The following GPC6 variants were observed in gnomAD, a reference collection of about 807,000 sequenced individuals.
The protein encoded by GPC6 is glypican 6.
A neutral mutation model predicts 55.2 loss-of-function variants in GPC6; 14 were observed. The ratio of observed to expected loss-of-function variants is 0.25; its 90% CI spans 0.17 to 0.40. The LOEUF (loss-of-function observed/expected upper bound fraction) is 0.40, where lower values mean the gene tolerates loss of function less well. Ranked by LOEUF, GPC6 falls within the 10% of genes least tolerant of loss-of-function variation. The pLI is 1.00. For missense variants in GPC6, 641 were observed against 708.5 expected, an observed-to-expected ratio of 0.90 and a Z score of 1.08; for synonymous variants, 278 against 259.6, an observed-to-expected ratio of 1.07 and a Z score of -0.68.
At chr13:94,305,547 A>T (rs367955697) in intron 5 of GPC6, among the ~76,000 whole-genome samples, 21 of 152,228 alleles carry the variant, frequency 1.4e-4, no homozygotes, top group African/African-American at 4.6e-4. Flanking sequence ...TACATAGACC[A>T]CAAAGAGAAC....
At chr13:93,902,692 T>C (rs1477553297) in intron 3 of GPC6, among the ~76,000 whole-genome samples, 3 of 152,194 alleles carry the variant, frequency 2.0e-5, no homozygotes, top group East Asian at 1.9e-4. Flanking sequence ...TTTCTCCACA[T>C]CTCCACCAGC....
chr13:93,224,390 C>G (rs919932292), upstream of GPC6, among the ~76,000 whole-genome samples: 1 of 151,306 alleles, frequency 6.6e-6, no homozygotes, highest in Non-Finnish European at 1.5e-5. Flanking sequence ...GACGGGGTTT[C>G]TCCATGTTGG....
chr13:94,091,570 T>C (rs9524328), intron 4 of GPC6, among the ~76,000 whole-genome samples: 26,149 of 152,140 alleles, frequency 0.17, 2,826 homozygotes, highest in South Asian at 0.26. Flanking sequence ...CAACAAACTT[T>C]GTATTAGAAA....
chr13:93,976,435 A>C (rs928593344), intron 3 of GPC6, among the ~76,000 whole-genome samples: 1 of 151,998 alleles, frequency 6.6e-6, no homozygotes, highest in Non-Finnish European at 1.5e-5. Context: ...ATAAAAGAAA[A>C]ATACACATTT....
At chr13:93,346,717 A>G (rs754766982) in intron 1 of GPC6, among the ~76,000 whole-genome samples, 3 of 152,196 alleles carry the variant, frequency 2.0e-5, no homozygotes, top group Non-Finnish European at 4.4e-5. Flanking sequence ...AAAAGAATGG[A>G]CAGAAAATGG....
chr13:93,557,066 G>A (rs1412430507), intron 2 of GPC6, among the ~76,000 whole-genome samples: 1 of 152,090 alleles, frequency 6.6e-6, no homozygotes, highest in Non-Finnish European at 1.5e-5. Flanking sequence ...TAAGGAATCT[G>A]GGATAAGGAT....
intron 4 of GPC6, among the ~76,000 whole-genome samples, chr13:94,045,800 C>T (rs1268551344): frequency 6.6e-6 from 1 of 151,326 alleles, no homozygotes; most frequent in Non-Finnish European, 1.5e-5. Context: ...ATTGCCATAC[C>T]CACATCTACT....
At chr13:93,965,475 GT>G (rs1880000116) in intron 3 of GPC6, among the ~76,000 whole-genome samples, 1 of 152,098 alleles carries the variant, frequency 6.6e-6, no homozygotes, top group Non-Finnish European at 1.5e-5. Flanking sequence ...GGAGGAGACT[GT>G]TTCTCCCTCT....
chr13:94,073,043 A>C (rs1036550323), intron 4 of GPC6, among the ~76,000 whole-genome samples: 9 of 152,204 alleles, frequency 5.9e-5, no homozygotes, highest in Admixed American at 6.5e-5. Context: ...GATTATCTTT[A>C]TGTTAGAGAG....
At chr13:93,385,457 T>C (rs1009423756) in intron 1 of GPC6, among the ~76,000 whole-genome samples, 3 of 152,170 alleles carry the variant, frequency 2.0e-5, no homozygotes, top group African/African-American at 7.2e-5. Context: ...TTCTAACAGC[T>C]GCAGAAAAAA....
At chr13:93,963,742 C>T (rs1879893517) in intron 3 of GPC6, among the ~76,000 whole-genome samples, 1 of 152,160 alleles carries the variant, frequency 6.6e-6, no homozygotes, top group Admixed American at 6.5e-5. Context: ...CTTGTGTACA[C>T]AATACGTGAA....
intron 4 of GPC6, among the ~76,000 whole-genome samples, chr13:94,059,238 A>T (rs1462798789): frequency 1.3e-5 from 2 of 151,448 alleles, no homozygotes; most frequent in Non-Finnish European, 2.9e-5. Flanking sequence ...TTCAGTAATC[A>T]GACGCTGTTA....
At chr13:93,630,720 A>T (rs1271796194) in intron 2 of GPC6, among the ~76,000 whole-genome samples, 1 of 152,202 alleles carries the variant, frequency 6.6e-6, no homozygotes, top group African/African-American at 2.4e-5. Context: ...ATGTATTATA[A>T]TAAATAAAAT....
At chr13:94,110,575 C>G (rs1486056703) in intron 4 of GPC6, among the ~76,000 whole-genome samples, 1 of 151,846 alleles carries the variant, frequency 6.6e-6, no homozygotes, top group Non-Finnish European at 1.5e-5. Context: ...TAGAAAATAA[C>G]AGAGGAGATT....
intron 3 of GPC6, among the ~76,000 whole-genome samples, chr13:93,892,315 G>A (rs1264275287): frequency 1.3e-5 from 2 of 152,106 alleles, no homozygotes; most frequent in Non-Finnish European, 2.9e-5. Flanking sequence ...CTACCTAACG[G>A]GTAGCAAAGA....
chr13:93,293,687 AAAATTTGTTTT>A (rs1446604697), intron 1 of GPC6, among the ~76,000 whole-genome samples: 5 of 152,164 alleles, frequency 3.3e-5, no homozygotes, highest in Non-Finnish European at 5.9e-5. Flanking sequence ...TGTTATCTTG[AAAATTTGTTTT>A]ATTTTGTTTT....
intron 1 of GPC6, among the ~76,000 whole-genome samples, chr13:93,327,319 T>C (rs775964161): frequency 2.0e-5 from 3 of 152,338 alleles, no homozygotes; most frequent in Non-Finnish European, 4.4e-5. Context: ...CTGATTGTGA[T>C]ACCTTTCTTT....
At chr13:94,045,426 G>A (rs570424454) in intron 4 of GPC6, among the ~76,000 whole-genome samples, 2 of 151,822 alleles carry the variant, frequency 1.3e-5, no homozygotes, top group Non-Finnish European at 2.9e-5. Flanking sequence ...TCAAATAGTT[G>A]CTAAGATGAT....
At chr13:94,240,723 G>A (rs1891032023) in intron 4 of GPC6, among the ~76,000 whole-genome samples, 1 of 152,190 alleles carries the variant, frequency 6.6e-6, no homozygotes, top group Non-Finnish European at 1.5e-5. Context: ...GCAGTGAACA[G>A]CCTAAGAGTG....
Sources: allele counts gnomAD v4.1 joint callset (sites outside exome capture counted in the v4.1 genomes callset), GRCh38; gene constraint gnomAD v4.1.1; transcripts MANE v1.5; gene names NCBI Gene and HGNC (gene_info 2026-07-23, HGNC 2026-07-21).